The following MAIP1 variants were observed in gnomAD, a reference collection of about 807,000 sequenced individuals.
MAIP1 encodes matrix AAA peptidase interacting protein 1, also known as m-AAA protease-interacting protein 1, mitochondrial.
MAIP1 carries 28 observed loss-of-function variants against 31.2 expected under a neutral mutation model. The observed-to-expected ratio is 0.90, with a 90% CI of 0.67 to 1.23. MAIP1 has a LOEUF of 1.23. Among genes scored for constraint, MAIP1 ranks in the 50% most tolerant of loss-of-function variants. MAIP1 has a pLI of 0.00. For synonymous variants in MAIP1, 142 were observed against 142.3 expected, an observed-to-expected ratio of 1.00 and a Z score of 0.02; for missense variants, 339 against 356.0, an observed-to-expected ratio of 0.95 and a Z score of 0.38.
chr2:199,956,078 C>T lies in MAIP1; in HGVS notation c.280C>T (p.Arg94Cys), dbSNP rs2077601061. Residue 94 changes from arginine (R) to cysteine (C), a missense_variant, in exon 1 of 5, where the codon CGC becomes TGC. By Grantham distance (180) the Arg-to-Cys change is radical (BLOSUM62 -3). Transcript: ENST00000392290. ...CGCTTCTTTCCCTGCCTGCCCTCAGCGCAGCTACAGCACGGAGGAGAAGCC... is the reference window on the plus strand; with the variant it reads ...CGCTTCTTTCCCTGCCTGCCCTCAGTGCAGCTACAGCACGGAGGAGAAGCC... The part of the protein sequence containing the change: ...AFASFPACPQ[R>C]SYSTEEKPQQ... 3 of 1,613,724 alleles carry T rather than the reference C, an allele frequency of 1.9e-6. No individual in the cohort carries two copies. Among genetic ancestry groups the T allele is most frequent in the African/African-American group, 2.7e-5 (2 of 74,946 alleles).
In MAIP1 at chr2:199,958,588, T is replaced by C. The variant is rs1242853777; in HGVS notation, c.451-680T>C. The stretch of plus-strand genomic sequence containing the variant: ...GTATGCTCCCAAGTCATCCTGTTCT[T>C]ATCCCTGTCAAAATTCTTCAACTTG... On this transcript the variant is annotated intron_variant, in intron 1 of 4. Coordinates refer to ENST00000392290, the MANE Select transcript of MAIP1 (RefSeq NM_001394955.1). Among the ~76,000 whole-genome samples, 4 of 152,216 alleles carry C rather than the reference T, an allele frequency of 2.6e-5. No individual in the cohort carries two copies. In the East Asian group the frequency reaches 7.7e-4, roughly 29 times the overall value.
Position 199,955,602 on chromosome 2 carries a change from C to G in MAIP1, c.-197C>G, listed in dbSNP as rs1574817131. The G allele has an allele frequency of 7.7e-7, 1 of 1,300,974 alleles. No individual in the cohort carries two copies. The highest frequency in any genetic ancestry group is 2.5e-5 in the East Asian group (1 of 39,518). 80.6% of individuals were successfully genotyped at this position (1,300,974 alleles called of 1,614,324 possible). A position where few individuals can be genotyped will look rare whatever the true frequency, so the allele number is the denominator to read the frequency against. On this transcript the variant is annotated 5_prime_UTR_variant, in exon 1 of 5. Transcript: ENST00000392290. The stretch of plus-strand genomic sequence containing the variant: ...CCGGCAGACTCCAGAGTGGCTGGGT[C>G]CGAGCGCGGGGCGGGTTGCCGAAGG...
chr2:199,957,445 C>T (rs755219210), intron 1 of MAIP1, among the ~76,000 whole-genome samples: 9 of 152,098 alleles, frequency 5.9e-5, no homozygotes, highest in Non-Finnish European at 8.8e-5. Flanking sequence ...GTTTATTTCC[C>T]GCTTCATACC....
chr2:199,959,713 A>G, intron 2 of MAIP1, 41 bp from the exon 3 acceptor site: 1 of 1,559,472 alleles, frequency 6.4e-7, no homozygotes, highest in South Asian at 1.2e-5. Flanking sequence ...GTTTTCAAAA[A>G]TTGTATCAGT....
At chr2:199,958,609 A>G (rs2077620554) in intron 1 of MAIP1, among the ~76,000 whole-genome samples, 2 of 152,126 alleles carry the variant, frequency 1.3e-5, no homozygotes, top group African/African-American at 4.8e-5. Flanking sequence ...AAATTCTTCA[A>G]CTTGTCAGTT....
At chr2:199,959,720 C>T in intron 2 of MAIP1, 34 bp from the exon 3 acceptor site, 3 of 1,568,466 alleles carry the variant, frequency 1.9e-6, no homozygotes, top group Non-Finnish European at 2.6e-6. Context: ...AAAATTGTAT[C>T]AGTGAACTAA....
chr2:199,963,793 C>A lies in MAIP1; in HGVS notation c.858C>A (p.His286Gln). The change falls in exon 5 of 5, where the codon CAC becomes CAA. Residue 286 changes from histidine to glutamine, a missense_variant. Physicochemically the swap from His to Gln is conservative, Grantham distance 24. Transcript: ENST00000392290. Reference protein sequence around the residue: ...KPDWTIARIEHSKLLE With the variant: ...KPDWTIARIEQSKLLE ...ACTGGACCATTGCACGGATTGAACA[C>A]TCAAAATTATTAGAATAATTTTCTT... 2.5e-6 allele frequency: 4 copies of A among 1,606,316 alleles called. No individual in the cohort carries two copies. Among genetic ancestry groups the A allele is most frequent in the Non-Finnish European group, 3.4e-6 (4 of 1,173,844 alleles).
rs771610145 is a variant in MAIP1, at chr2:199,955,817, T to G, written c.19T>G (p.Leu7Val). Residue 7 changes from leucine (L) to valine (V), a missense_variant, in exon 1 of 5, where the codon TTG (leucine) becomes GTG (valine). By Grantham distance (32) the Leu-to-Val change is conservative (BLOSUM62 1). Coordinates refer to ENST00000392290, the MANE Select transcript of MAIP1 (RefSeq NM_001394955.1). The stretch of plus-strand genomic sequence containing the variant: ...CATAAAAATGGCGCTGGCCGCTCGT[T>G]TGCTACCCCAGTTCCTGCACTCTCG... MALAAR[L>V]LPQFLHSRSL... 9.2e-6 allele frequency: 14 copies of G among 1,516,332 alleles called. No individual in the cohort carries two copies. Among genetic ancestry groups the G allele is most frequent in the Non-Finnish European group, 1.2e-5 (14 of 1,133,888 alleles). The allele number at this position is 1,516,332 out of a possible 1,614,324, so 93.9% of individuals were successfully genotyped here.
intron 3 of MAIP1, among the ~76,000 whole-genome samples, chr2:199,961,506 A>G (rs1477183149): frequency 6.6e-6 from 1 of 152,208 alleles, no homozygotes; most frequent in Non-Finnish European, 1.5e-5. Flanking sequence ...ATTGAAAATA[A>G]TCCATGTAGT....
In MAIP1 at chr2:199,956,257, A is replaced by G; in HGVS notation, c.450+9A>G. On this transcript the variant is annotated intron_variant, in intron 1 of 4. Coordinates refer to ENST00000392290, the MANE Select transcript of MAIP1 (RefSeq NM_001394955.1). ...CCGAGGGAGCGAAGCAGGTTTGTTTATTTCCCTGATTGACCTATCCGTCTC... is the reference window on the plus strand; with the variant it reads ...CCGAGGGAGCGAAGCAGGTTTGTTTGTTTCCCTGATTGACCTATCCGTCTC... 1.3e-6 allele frequency: 2 copies of G among 1,596,848 alleles called. No individual in the cohort carries two copies. The highest frequency in any genetic ancestry group is 1.3e-5 in the African/African-American group (1 of 74,688).
intron 1 of MAIP1, 53 bp from the exon 2 acceptor site, chr2:199,959,215 G>A (rs2077623388): frequency 5.7e-6 from 5 of 869,946 alleles, no homozygotes; most frequent in South Asian, 2.7e-5. Flanking sequence ...TATGAACATG[G>A]TATGGTATTT....
chr2:199,959,466 C>T, intron 2 of MAIP1, 127 bp downstream of exon 2: 3 of 669,962 alleles, frequency 4.5e-6, no homozygotes, highest in Admixed American at 4.8e-5. Flanking sequence ...GTCTGTGTAT[C>T]TGTTCTTATG....
At chr2:199,955,496 G>A (rs752217256), upstream of MAIP1, 1 of 1,611,290 alleles carries the variant, frequency 6.2e-7, no homozygotes, top group Non-Finnish European at 8.5e-7. Flanking sequence ...CCCTCTTCCA[G>A]GTCTTCGGAA....
chr2:199,963,491 G>A (rs897910624), intron 4 of MAIP1, among the ~76,000 whole-genome samples: 3 of 152,102 alleles, frequency 2.0e-5, no homozygotes, highest in African/African-American at 4.8e-5. Flanking sequence ...GCTGGTAGAT[G>A]TTGAATATAG....
chr2:199,957,263 GC>G (rs1318429329), intron 1 of MAIP1, among the ~76,000 whole-genome samples: 2 of 152,156 alleles, frequency 1.3e-5, no homozygotes, highest in African/African-American at 4.8e-5. Flanking sequence ...GGCGTGGCGA[GC>G]CCCTGTAGTC....
rs1201525199 is a variant in MAIP1, at chr2:199,959,255, T to G, written c.451-13T>G. 8.3e-6 allele frequency: 12 copies of G among 1,445,070 alleles called. No homozygotes were observed. Among genetic ancestry groups the G allele is most frequent in the Non-Finnish European group, 1.2e-5 (12 of 1,026,776 alleles). 89.5% of individuals were successfully genotyped at this position (1,445,070 alleles called of 1,614,324 possible). A position where few individuals can be genotyped will look rare whatever the true frequency, so the allele number is the denominator to read the frequency against. On this transcript the variant is annotated splice_polypyrimidine_tract_variant and intron_variant, in intron 1 of 4. Transcript: ENST00000392290. ...ATAATAATCCCCACACTTCCCTTAA[T>G]ATTTTTTTCAAGGCTTTTGCTCATG...
At chr2:199,958,186 G>A (rs2077617950) in intron 1 of MAIP1, among the ~76,000 whole-genome samples, 1 of 152,132 alleles carries the variant, frequency 6.6e-6, no homozygotes, top group African/African-American at 2.4e-5. Flanking sequence ...ACAGATGGCC[G>A]TCTTCTTGCT....
intron 4 of MAIP1, 79 bp from the exon 5 acceptor site, chr2:199,963,654 T>C: frequency 2.4e-6 from 2 of 845,722 alleles, no homozygotes. Flanking sequence ...CTTCTAAATA[T>C]ACACTTGCAA....
chr2:199,960,779 ACT>A (rs1184113379), intron 3 of MAIP1, among the ~76,000 whole-genome samples: 3 of 151,952 alleles, frequency 2.0e-5, no homozygotes, highest in African/African-American at 7.3e-5. Context: ...TTGAGGGATG[ACT>A]CTATTTGCAT....
Sources: allele counts gnomAD v4.1 joint callset (sites outside exome capture counted in the v4.1 genomes callset), GRCh38; gene constraint gnomAD v4.1.1; transcripts MANE v1.5; gene names NCBI Gene and HGNC (gene_info 2026-07-23, HGNC 2026-07-21).